PCDHA4: variants seen among roughly 807,000 people sequenced by gnomAD.
PCDHA4 encodes protocadherin alpha 4, also known as protocadherin alpha-4.
A neutral mutation model predicts 61.4 loss-of-function variants in PCDHA4; 49 were observed. The observed-to-expected ratio is 0.80, with a 90% confidence interval of 0.63 to 1.01. The LOEUF is 1.01. PCDHA4 is among the 50% of genes least tolerant of loss of function. The probability of loss-of-function intolerance (pLI) is 0.00; values close to 1 mark genes in which losing one functional copy is unlikely to be tolerated. For missense variants in PCDHA4, 1,254 were observed against 1,235.8 expected, an observed-to-expected ratio of 1.01 and a Z score of -0.22; for synonymous variants, 590 against 550.3, an observed-to-expected ratio of 1.07 and a Z score of -1.01.
intron 1 of PCDHA4, among the ~76,000 whole-genome samples, chr5:140,896,879 G>A (rs1323456222): frequency 6.6e-6 from 1 of 151,976 alleles, no homozygotes; most frequent in Non-Finnish European, 1.5e-5. Context: ...TATTTATGGG[G>A]TATATGAGAC....
rs571694728 is a variant in PCDHA4, at chr5:140,949,343, CTG to C, written c.2386-29602_2386-29601del. Among the ~76,000 whole-genome samples the C allele has an allele frequency of 8.0e-4, 121 of 151,818 alleles. 1 individual carries two copies. Among genetic ancestry groups the C allele is most frequent in the Admixed American group, 3.5e-3 (54 of 15,258 alleles). On this transcript the variant is annotated intron_variant, in intron 1 of 3. Transcript: ENST00000530339. ...TATAAATTATTGTTATCCAGATTTT[CTG>C]TGTCTTTATTTTTTTGTCTAGTTGT...
intron 1 of PCDHA4, chr5:140,843,672 A>G: frequency 6.3e-7 from 1 of 1,592,800 alleles, no homozygotes; most frequent in Non-Finnish European, 8.6e-7. Context: ...GGATCAGTTG[A>G]TGTAGGCGAA....
chr5:140,985,128 G>C (rs908196925), intron 3 of PCDHA4, among the ~76,000 whole-genome samples: 1 of 152,056 alleles, frequency 6.6e-6, no homozygotes, highest in African/African-American at 2.4e-5. Context: ...TAGTAAAGAC[G>C]GGGTTTCACC....
At chr5:140,884,373 T>C (rs1554181483) in intron 1 of PCDHA4, 2 of 1,613,958 alleles carry the variant, frequency 1.2e-6, no homozygotes, top group South Asian at 2.2e-5. Context: ...TACTTGATCA[T>C]TGCCATCTGC....
At position 140,828,784 on chromosome 5, in the gene PCDHA4, A is replaced by G. The variant is rs140143150; in HGVS notation, c.2385+19212A>G. 13 of 1,614,228 alleles carry G rather than the reference A, an allele frequency of 8.1e-6. No homozygotes were observed. The South Asian group carries it at 1.3e-4, about 16-fold the overall frequency. ...CAGGCACTGTTCAGCTGCTGGTCAC[A>G]GTGCTGGATGTGAATGATAATGCTC... is the stretch of plus-strand genomic sequence containing the variant. On this transcript the variant is annotated intron_variant, in intron 1 of 3. Transcript: ENST00000530339.
At chr5:140,869,953 A>G (rs781865487) in intron 1 of PCDHA4, 10 of 1,612,868 alleles carry the variant, frequency 6.2e-6, no homozygotes, top group Middle Eastern at 3.3e-4. Context: ...CTTAATGTCA[A>G]TTAAGCCCAA....
rs149179821 is a variant in PCDHA4 at position 141,012,224 on chromosome 5, C to T, written c.*2287C>T. 2 of 153,832 alleles carry T rather than the reference C, an allele frequency of 1.3e-5. No homozygotes were observed. Among genetic ancestry groups the T allele is most frequent in the East Asian group, 3.9e-4 (2 of 5,184 alleles). 9.5% of individuals were successfully genotyped at this position (153,832 alleles called of 1,614,324 possible). On this transcript the variant is annotated 3_prime_UTR_variant, in exon 4 of 4. Coordinates refer to ENST00000530339, the MANE Select transcript of PCDHA4 (RefSeq NM_018907.4). ...CTTTTTACATTTGCGAAGTGCTTTC[C>T]AATCCATGTTAGTTACTAGTTATTA...
At chr5:140,870,977 T>C in intron 1 of PCDHA4, 2 of 1,613,584 alleles carry the variant, frequency 1.2e-6, no homozygotes. Context: ...CGCGTGGGGC[T>C]GTACACGGGC....
At chr5:140,905,202 T>C (rs1554191944) in intron 1 of PCDHA4, among the ~76,000 whole-genome samples, 1 of 152,196 alleles carries the variant, frequency 6.6e-6, no homozygotes, top group Non-Finnish European at 1.5e-5. Flanking sequence ...CCATCTTGAG[T>C]TGATTTTTGT....
chr5:140,960,438 T>C (rs1403944664), intron 1 of PCDHA4, among the ~76,000 whole-genome samples: 4 of 152,180 alleles, frequency 2.6e-5, no homozygotes, highest in African/African-American at 9.7e-5. Context: ...ATACTCTAGA[T>C]ATATGTATGG....
chr5:140,828,281 T>G lies in PCDHA4; in HGVS notation c.2385+18709T>G, dbSNP rs143573134. 144 of 1,613,970 alleles carry G rather than the reference T, an allele frequency of 8.9e-5. No homozygotes were observed. Among genetic ancestry groups the G allele is most frequent in the Non-Finnish European group, 1.2e-4 (139 of 1,180,050 alleles). On this transcript the variant is annotated intron_variant, in intron 1 of 3. Transcript: ENST00000530339. ...GCTGGCGGAGCTGGTGCCGCGCCTG[T>G]TCAGGATGGCCTCCAAAGACCGCGA... is the stretch of plus-strand genomic sequence containing the variant.
intron 3 of PCDHA4, among the ~76,000 whole-genome samples, chr5:140,986,642 T>C (rs1213431039): frequency 6.6e-6 from 1 of 152,174 alleles, no homozygotes; most frequent in Non-Finnish European, 1.5e-5. Flanking sequence ...ACATTAGTTT[T>C]AGAGTGGGAG....
chr5:140,993,528 A>G (rs78672098), intron 3 of PCDHA4, among the ~76,000 whole-genome samples: 1 of 151,976 alleles, frequency 6.6e-6, no homozygotes, highest in Admixed American at 6.6e-5. Context: ...AGAGACAGAG[A>G]GAGAGAGAGA....
chr5:140,810,034 C>T (rs1554125406), intron 1 of PCDHA4: 1 of 154,964 alleles, frequency 6.5e-6, no homozygotes, highest in African/African-American at 2.4e-5. Context: ...GCACATTTGC[C>T]TTTTATAACT....
At chr5:140,852,575 C>G (rs913886842) in intron 1 of PCDHA4, 6 of 798,922 alleles carry the variant, frequency 7.5e-6, no homozygotes, top group African/African-American at 1.9e-5. Flanking sequence ...TGTGCCAAGG[C>G]TTTTTTATTT....
intron 1 of PCDHA4, among the ~76,000 whole-genome samples, chr5:140,942,586 A>C (rs559683622): frequency 1.3e-5 from 2 of 150,518 alleles, no homozygotes; most frequent in African/African-American, 4.9e-5. Context: ...ATAGGATGTC[A>C]CATATAATTA....
intron 1 of PCDHA4, chr5:140,835,994 G>A: frequency 1.9e-6 from 3 of 1,613,352 alleles, no homozygotes; most frequent in South Asian, 1.1e-5. Context: ...AGGTGAGCGC[G>A]CGCGATGCGG....
intron 1 of PCDHA4, chr5:140,823,015 C>A (rs2150121299): frequency 4.1e-5 from 66 of 1,614,106 alleles, no homozygotes; most frequent in Non-Finnish European, 5.5e-5. Flanking sequence ...CGCCCTGGAC[C>A]GCGAGAGCGT....
chr5:140,946,516 C>G (rs551838143), intron 1 of PCDHA4, among the ~76,000 whole-genome samples: 1 of 151,020 alleles, frequency 6.6e-6, no homozygotes, highest in Non-Finnish European at 1.5e-5. Context: ...AAGACCTATC[C>G]GCACTCCCAT....
Sources: allele counts gnomAD v4.1 joint callset (sites outside exome capture counted in the v4.1 genomes callset), GRCh38; gene constraint gnomAD v4.1.1; transcripts MANE v1.5; gene names NCBI Gene and HGNC (gene_info 2026-07-23, HGNC 2026-07-21).